The following STXBP4 variants were observed in gnomAD, a reference collection of about 807,000 sequenced individuals.
STXBP4 encodes the protein syntaxin binding protein 4, also known as syntaxin-binding protein 4.
In STXBP4, 55 loss-of-function variants were observed where a neutral mutation model predicts 76.1. The observed-to-expected ratio is 0.72, with a 90% CI of 0.58 to 0.91. The LOEUF is 0.91. STXBP4 is among the 40% of genes least tolerant of loss of function. STXBP4 has a pLI of 0.00. For synonymous variants in STXBP4, 201 were observed against 220.2 expected (o/e 0.91, Z 0.77); for missense variants, 618 against 636.9 (o/e 0.97, Z 0.32).
At chr17:54,981,444 T>C (rs1567869951) in intron 1 of STXBP4, among the ~76,000 whole-genome samples, 2 of 151,918 alleles carry the variant, frequency 1.3e-5, no homozygotes, top group South Asian at 4.2e-4. Context: ...TTAAGAGATT[T>C]TGTATATGAT....
chr17:55,004,897 G>T (rs2144524937), intron 7 of STXBP4, among the ~76,000 whole-genome samples: 1 of 152,300 alleles, frequency 6.6e-6, no homozygotes, highest in East Asian at 1.9e-4. Context: ...AGAGCTTGGA[G>T]CTGGGATAGA....
intron 1 of STXBP4, among the ~76,000 whole-genome samples, chr17:54,973,239 A>G (rs759028573): frequency 1.3e-5 from 2 of 152,092 alleles, no homozygotes; most frequent in Non-Finnish European, 2.9e-5. Flanking sequence ...TTAAGCCTGG[A>G]TTTTTTCTGA....
At chr17:55,127,009 T>A (rs992381259) in intron 16 of STXBP4, among the ~76,000 whole-genome samples, 1 of 152,168 alleles carries the variant, frequency 6.6e-6, no homozygotes, top group African/African-American at 2.4e-5. Flanking sequence ...TGAGATATAA[T>A]TTACATACAA....
At chr17:55,127,335 C>G (rs1031180017) in intron 16 of STXBP4, among the ~76,000 whole-genome samples, 1 of 152,142 alleles carries the variant, frequency 6.6e-6, no homozygotes, top group African/African-American at 2.4e-5. Context: ...CACAGTTTAT[C>G]CAGTCACCAA....
At chr17:55,050,194 G>C (rs185577996) in intron 12 of STXBP4, among the ~76,000 whole-genome samples, 1 of 152,090 alleles carries the variant, frequency 6.6e-6, no homozygotes. Flanking sequence ...TGATAAGCTA[G>C]CAAGATATAA....
chr17:55,174,616 T>C (rs1453917574), downstream of STXBP4, among the ~76,000 whole-genome samples: 1 of 152,176 alleles, frequency 6.6e-6, no homozygotes, highest in African/African-American at 2.4e-5. Flanking sequence ...TTTCAAATAT[T>C]TTCTTGTCTA....
the STXBP4 span, among the ~76,000 whole-genome samples, chr17:55,179,639 T>C: frequency 7.2e-5 from 11 of 152,158 alleles, no homozygotes; most frequent in Non-Finnish European, 1.3e-4. Context: ...CTCTTCCTCT[T>C]CCTCTCCCTA....
chr17:55,141,284 AT>A, intron 16 of STXBP4, 25 bp from the exon 17 acceptor site: 2 of 1,585,584 alleles, frequency 1.3e-6, no homozygotes, highest in Non-Finnish European at 1.7e-6. Flanking sequence ...CTTATTAAAT[AT>A]ATTTTTGGTT....
At position 55,162,564 on chromosome 17, in the gene STXBP4, T is replaced by A. The variant is rs1410674686; in HGVS notation, c.*2653T>A. On this transcript the variant is annotated 3_prime_UTR_variant, in exon 18 of 18. Transcript: ENST00000376352. ...ATCATTTCCTGGGTTCCACTTACTCTTGATTTAAAAAAAAAAAAACAACAA... is the reference window on the plus strand; with the variant it reads ...ATCATTTCCTGGGTTCCACTTACTCATGATTTAAAAAAAAAAAAACAACAA... 6.7e-5 allele frequency: 6 copies of A among 88,950 alleles called. No individual in the cohort carries two copies. The highest frequency in any genetic ancestry group is 4.2e-4 in the African/African-American group (6 of 14,136). The allele number at this position is 88,950 out of a possible 1,614,324, so 5.5% of individuals were successfully genotyped here.
intron 8 of STXBP4, among the ~76,000 whole-genome samples, chr17:55,018,158 G>A (rs116419919): frequency 0.011 from 1,740 of 152,238 alleles, 30 homozygotes; most frequent in African/African-American, 0.037. Context: ...ATTAGAAGCC[G>A]TGGGTCACGG....
intron 17 of STXBP4, among the ~76,000 whole-genome samples, chr17:55,154,197 A>T (rs2080251264): frequency 6.6e-6 from 1 of 152,128 alleles, no homozygotes. Context: ...GTTGGCGGAT[A>T]ATGAGTGAGA....
intron 16 of STXBP4, among the ~76,000 whole-genome samples, chr17:55,137,212 A>G (rs1055478071): frequency 2.0e-5 from 3 of 152,012 alleles, no homozygotes; most frequent in African/African-American, 4.8e-5. Flanking sequence ...GATGAATGTT[A>G]TATTCTTTAA....
chr17:55,121,924 C>G (rs891758645), intron 16 of STXBP4, among the ~76,000 whole-genome samples: 1 of 151,948 alleles, frequency 6.6e-6, no homozygotes, highest in Non-Finnish European at 1.5e-5. Flanking sequence ...TAGGGATCAG[C>G]CACTTAACAC....
chr17:55,034,365 T>A, intron 10 of STXBP4, 106 bp downstream of exon 10: 1 of 635,314 alleles, frequency 1.6e-6, no homozygotes, highest in Non-Finnish European at 2.5e-6. Flanking sequence ...AAATAATACA[T>A]GTTTCTTGGA....
At chr17:55,108,633 C>T (rs2079668031) in intron 16 of STXBP4, among the ~76,000 whole-genome samples, 1 of 152,182 alleles carries the variant, frequency 6.6e-6, no homozygotes, top group African/African-American at 2.4e-5. Flanking sequence ...ACGGCACAGT[C>T]CCTCGTGGCT....
At chr17:54,992,622 A>G (rs1472898447) in intron 4 of STXBP4, among the ~76,000 whole-genome samples, 1 of 151,578 alleles carries the variant, frequency 6.6e-6, no homozygotes, top group East Asian at 1.9e-4. Flanking sequence ...TGTGTGTTCA[A>G]TATAGTAAGG....
intron 17 of STXBP4, 126 bp downstream of exon 17, chr17:55,141,493 G>T: frequency 1.5e-6 from 1 of 672,666 alleles, no homozygotes; most frequent in South Asian, 2.6e-5. Context: ...AACAAGAAAT[G>T]AAGCCTCACC....
the STXBP4 span, among the ~76,000 whole-genome samples, chr17:55,193,549 G>A: frequency 6.6e-6 from 1 of 152,018 alleles, no homozygotes; most frequent in East Asian, 1.9e-4. Context: ...CTTGAGCTAG[G>A]CAGTAAAATA....
chr17:55,126,729 GA>G (rs1304853866), intron 16 of STXBP4, among the ~76,000 whole-genome samples: 1 of 152,208 alleles, frequency 6.6e-6, no homozygotes, highest in Non-Finnish European at 1.5e-5. Context: ...TGTTGTCTCT[GA>G]AATCATTCCA....
Sources: gnomAD v4.1 joint callset for allele counts (sites outside exome capture counted in the v4.1 genomes callset) on GRCh38, gnomAD v4.1.1 for gene constraint, MANE v1.5 for transcripts, NCBI Gene and HGNC (gene_info 2026-07-23, HGNC 2026-07-21) for gene names.